Variants in MSRA observed in about 807,000 individuals in gnomAD.
The protein encoded by MSRA is methionine sulfoxide reductase A.
In MSRA, 54 loss-of-function variants were observed where a neutral mutation model predicts 31.3. That is an observed-to-expected ratio of 1.73 (90% CI 1.39 to 2.17). The LOEUF (loss-of-function observed/expected upper bound fraction) is 2.17. Among genes scored for constraint, MSRA ranks in the 30% most tolerant of loss-of-function variants. The probability of loss-of-function intolerance (pLI) is 0.00; values close to 1 mark genes in which losing one functional copy is unlikely to be tolerated. For synonymous variants in MSRA, 169 were observed against 116.5 expected (o/e 1.45, Z -2.90); for missense variants, 507 against 300.9 (o/e 1.69, Z -5.07).
At chr8:10,234,140 A>G (rs966880606) in intron 2 of MSRA, among the ~76,000 whole-genome samples, 4 of 152,198 alleles carry the variant, frequency 2.6e-5, no homozygotes, top group East Asian at 1.9e-4. Flanking sequence ...GACAGTTACT[A>G]TAAAACCCTT....
At chr8:10,100,492 G>A (rs1799460866) in intron 1 of MSRA, among the ~76,000 whole-genome samples, 1 of 152,142 alleles carries the variant, frequency 6.6e-6, no homozygotes, top group Admixed American at 6.5e-5. Context: ...TGGCCAGGGA[G>A]GGCAGTGTTC....
At chr8:10,375,361 C>T (rs1177027294) in intron 5 of MSRA, among the ~76,000 whole-genome samples, 6 of 152,202 alleles carry the variant, frequency 3.9e-5, no homozygotes, top group Non-Finnish European at 8.8e-5. Context: ...GATCTTTGGC[C>T]CTGAAGGTAG....
intron 1 of MSRA, among the ~76,000 whole-genome samples, chr8:10,171,850 C>T (rs1805616322): frequency 1.3e-5 from 2 of 152,128 alleles, no homozygotes; most frequent in South Asian, 4.1e-4. Context: ...AGTATTATTT[C>T]TGTTGTTTAG....
intron 5 of MSRA, among the ~76,000 whole-genome samples, chr8:10,395,398 G>C (rs567229907): frequency 8.5e-4 from 130 of 152,304 alleles, no homozygotes; most frequent in African/African-American, 2.9e-3. Flanking sequence ...TAGAAAGAGA[G>C]TAGGGAGTGG....
intron 5 of MSRA, among the ~76,000 whole-genome samples, chr8:10,422,176 C>G (rs1414221483): frequency 1.3e-5 from 2 of 152,156 alleles, no homozygotes; most frequent in Non-Finnish European, 2.9e-5. Context: ...CCCTGCTTTT[C>G]TGGAGGGGCT....
intron 3 of MSRA, chr8:10,250,662 G>A (rs532983464): frequency 2.7e-5 from 16 of 584,262 alleles, no homozygotes; most frequent in South Asian, 6.5e-5. Context: ...TGGGAAGAGC[G>A]GAGTGTGGGA....
At chr8:10,292,187 T>A (rs1800272304) in intron 3 of MSRA, among the ~76,000 whole-genome samples, 1 of 152,216 alleles carries the variant, frequency 6.6e-6, no homozygotes, top group African/African-American at 2.4e-5. Flanking sequence ...CCAGTGTGCA[T>A]GTGGGATTCC....
chr8:10,122,313 G>T (rs572101124), intron 1 of MSRA, among the ~76,000 whole-genome samples: 1 of 152,216 alleles, frequency 6.6e-6, no homozygotes, highest in Non-Finnish European at 1.5e-5. Context: ...GGGAGCACCC[G>T]CCTGGAGAAG....
At chr8:10,139,399 C>T (rs556508265) in intron 1 of MSRA, among the ~76,000 whole-genome samples, 2 of 152,050 alleles carry the variant, frequency 1.3e-5, no homozygotes, top group African/African-American at 2.4e-5. Flanking sequence ...AATTCGGGGG[C>T]GGGGGACAAG....
chr8:10,201,727 G>T (rs530754811), intron 1 of MSRA, among the ~76,000 whole-genome samples: 1 of 152,148 alleles, frequency 6.6e-6, no homozygotes. Context: ...ATGTCCCCCC[G>T]ATCCCCTTCA....
intron 5 of MSRA, among the ~76,000 whole-genome samples, chr8:10,427,506 C>A (rs544662667): frequency 6.6e-6 from 1 of 152,170 alleles, no homozygotes; most frequent in African/African-American, 2.4e-5. Context: ...GGCTCCCTGG[C>A]CTGGAGTTCA....
chr8:10,248,394 G>T (rs1483655747), intron 3 of MSRA, among the ~76,000 whole-genome samples: 1 of 152,026 alleles, frequency 6.6e-6, no homozygotes, highest in East Asian at 1.9e-4. Context: ...GAATCCACAG[G>T]GCCAGCTTTA....
intron 3 of MSRA, among the ~76,000 whole-genome samples, chr8:10,274,279 A>G (rs1229259834): frequency 6.6e-6 from 1 of 152,316 alleles, no homozygotes; most frequent in East Asian, 1.9e-4. Flanking sequence ...GAGCAGGTCC[A>G]TTGTTTTCAA....
intron 1 of MSRA, among the ~76,000 whole-genome samples, chr8:10,092,733 G>C (rs1276255202): frequency 6.6e-6 from 1 of 152,086 alleles, no homozygotes; most frequent in African/African-American, 2.4e-5. Context: ...CAAGTTTTCT[G>C]TTTCCTTGCT....
intron 1 of MSRA, among the ~76,000 whole-genome samples, chr8:10,090,735 T>G (rs1378840239): frequency 6.6e-6 from 1 of 152,220 alleles, no homozygotes; most frequent in Admixed American, 6.5e-5. Context: ...CTATGTTCTG[T>G]GTCTGTGGAT....
intron 5 of MSRA, among the ~76,000 whole-genome samples, chr8:10,388,912 G>T (rs532685300): frequency 6.6e-6 from 1 of 151,792 alleles, no homozygotes; most frequent in African/African-American, 2.4e-5. Context: ...ATGTCCCCTG[G>T]TCATTACCGA....
intron 5 of MSRA, among the ~76,000 whole-genome samples, chr8:10,372,172 T>G (rs181942470): frequency 6.6e-6 from 1 of 152,268 alleles, no homozygotes; most frequent in African/African-American, 2.4e-5. Context: ...CCTTCCCACC[T>G]TTTGCCTCTA....
At chr8:10,264,880 C>T (rs1798666522) in intron 3 of MSRA, among the ~76,000 whole-genome samples, 1 of 152,108 alleles carries the variant, frequency 6.6e-6, no homozygotes, top group South Asian at 2.1e-4. Context: ...GGCCAAATCG[C>T]AGGGTGGGGG....
chr8:10,088,492 C>T (rs907604690), intron 1 of MSRA, among the ~76,000 whole-genome samples: 16 of 152,074 alleles, frequency 1.1e-4, no homozygotes, highest in South Asian at 2.1e-4. Flanking sequence ...CCCAGCACTT[C>T]GGGAGGCTGA....
Sources: allele counts gnomAD v4.1 joint callset (sites outside exome capture counted in the v4.1 genomes callset), GRCh38; gene constraint gnomAD v4.1.1; transcripts MANE v1.5; gene names NCBI Gene and HGNC (gene_info 2026-07-23, HGNC 2026-07-21).